Variants in EEFSEC observed in about 807,000 individuals in gnomAD.
The protein encoded by EEFSEC is selenocysteine-specific elongation factor.
Under a neutral mutation model 42.1 loss-of-function variants are expected in EEFSEC, and 43 were observed. The ratio of observed to expected loss-of-function variants is 1.02; its 90% CI spans 0.80 to 1.32. The LOEUF is 1.32. Among genes scored for constraint, EEFSEC ranks in the 40% most tolerant of loss-of-function variants. The pLI is 0.00. For missense variants in EEFSEC, 745 were observed against 803.6 expected (o/e 0.93, Z 0.88); for synonymous variants, 354 against 339.1 (o/e 1.04, Z -0.48).
chr3:128,329,435 C>A (rs1423293425), intron 4 of EEFSEC, among the ~76,000 whole-genome samples: 4 of 149,306 alleles, frequency 2.7e-5, no homozygotes, highest in Admixed American at 6.6e-5. Context: ...CCCGCTGATG[C>A]TCTCAGTCTG....
intron 4 of EEFSEC, among the ~76,000 whole-genome samples, chr3:128,274,922 G>T (rs1242976781): frequency 2.0e-5 from 3 of 152,178 alleles, no homozygotes; most frequent in Non-Finnish European, 4.4e-5. Flanking sequence ...TACCTTCAGT[G>T]GTCAGTTAAG....
chr3:128,360,527 G>A (rs903355788), intron 6 of EEFSEC, among the ~76,000 whole-genome samples: 3 of 152,174 alleles, frequency 2.0e-5, no homozygotes, highest in Non-Finnish European at 4.4e-5. Flanking sequence ...CTAGGATCAC[G>A]CTGACCTCCC....
chr3:128,388,920 C>G (rs752877438), intron 6 of EEFSEC, among the ~76,000 whole-genome samples: 5 of 152,254 alleles, frequency 3.3e-5, no homozygotes, highest in Non-Finnish European at 7.3e-5. Context: ...CTGACACCCA[C>G]TCTTGATTTC....
chr3:128,302,429 C>T (rs1009623122), intron 4 of EEFSEC, among the ~76,000 whole-genome samples: 5 of 151,970 alleles, frequency 3.3e-5, no homozygotes, highest in Non-Finnish European at 5.9e-5. Context: ...TCCTGCAGGC[C>T]GACTGATTTA....
In EEFSEC at chr3:128,223,174, A is replaced by C. The variant is rs183100384; in HGVS notation, c.317-23662A>C. Reference sequence around the variant, plus strand: ...AGCTTCCTGATTGGTAAACACATTGATATGCCCAGAGGGTGATTTTCCCTG... The same window carrying C: ...AGCTTCCTGATTGGTAAACACATTGCTATGCCCAGAGGGTGATTTTCCCTG... On this transcript the variant is annotated intron_variant, in intron 1 of 6. Coordinates refer to ENST00000254730, the MANE Select transcript of EEFSEC (RefSeq NM_021937.5). Among the ~76,000 whole-genome samples, 13 of 152,296 alleles carry C rather than the reference A, an allele frequency of 8.5e-5. No individual in the cohort carries two copies. In the East Asian group the frequency reaches 2.5e-3, roughly 29 times the overall value.
chr3:128,237,531 C>T (rs1408002949), intron 1 of EEFSEC, among the ~76,000 whole-genome samples: 1 of 152,254 alleles, frequency 6.6e-6, no homozygotes, highest in East Asian at 1.9e-4. Flanking sequence ...AGATGTGGAC[C>T]TTGGGGTCAG....
At chr3:128,363,555 T>C (rs1176160982) in intron 6 of EEFSEC, among the ~76,000 whole-genome samples, 1 of 152,122 alleles carries the variant, frequency 6.6e-6, no homozygotes, top group Non-Finnish European at 1.5e-5. Context: ...CTATGGCCCC[T>C]GGGAAGAGGG....
intron 4 of EEFSEC, among the ~76,000 whole-genome samples, chr3:128,328,784 G>C (rs1364235928): frequency 6.6e-6 from 1 of 152,184 alleles, no homozygotes; most frequent in Non-Finnish European, 1.5e-5. Context: ...CCAGGTGAGA[G>C]TGCCTCGCCG....
chr3:128,283,017 T>C (rs1444845217), intron 4 of EEFSEC, among the ~76,000 whole-genome samples: 1 of 152,264 alleles, frequency 6.6e-6, no homozygotes, highest in East Asian at 1.9e-4. Context: ...GGGTGCTTCC[T>C]GCCAGGAGGC....
intron 4 of EEFSEC, among the ~76,000 whole-genome samples, chr3:128,326,473 G>A (rs532085971): frequency 2.0e-4 from 30 of 152,262 alleles, no homozygotes; most frequent in African/African-American, 6.7e-4. Flanking sequence ...GGAGCACCTC[G>A]ATTTTCTCAT....
intron 1 of EEFSEC, among the ~76,000 whole-genome samples, chr3:128,224,571 C>A (rs2107853504): frequency 6.6e-6 from 1 of 152,308 alleles, no homozygotes; most frequent in African/African-American, 2.4e-5. Flanking sequence ...GCAGACTGAA[C>A]AGTTACTAAG....
intron 6 of EEFSEC, among the ~76,000 whole-genome samples, chr3:128,407,160 C>T (rs1364502323): frequency 6.6e-6 from 1 of 151,874 alleles, no homozygotes; most frequent in African/African-American, 2.4e-5. Flanking sequence ...GGGTGCGTGT[C>T]GGGGCATCAG....
chr3:128,419,560 G>A, the EEFSEC span, among the ~76,000 whole-genome samples: 1 of 152,182 alleles, frequency 6.6e-6, no homozygotes, highest in Non-Finnish European at 1.5e-5. Context: ...AGCAAGGGGG[G>A]TTAGGAAGGG....
At chr3:128,337,553 G>A (rs1476415543) in intron 4 of EEFSEC, among the ~76,000 whole-genome samples, 1 of 152,178 alleles carries the variant, frequency 6.6e-6, no homozygotes, top group Non-Finnish European at 1.5e-5. Context: ...TGGAATCTCA[G>A]CTCGGTGCTT....
chr3:128,161,453 C>T (rs1576507253), intron 1 of EEFSEC, among the ~76,000 whole-genome samples: 1 of 152,138 alleles, frequency 6.6e-6, no homozygotes, highest in Non-Finnish European at 1.5e-5. Context: ...TGCTACTTGT[C>T]GCCTGGACCT....
At chr3:128,409,734 C>T (rs1342574166), downstream of EEFSEC, among the ~76,000 whole-genome samples, 1 of 152,180 alleles carries the variant, frequency 6.6e-6, no homozygotes, top group African/African-American at 2.4e-5. Flanking sequence ...GGAGCCGACT[C>T]CCCCTCTACT....
At chr3:128,383,039 G>T (rs1334265484) in intron 6 of EEFSEC, among the ~76,000 whole-genome samples, 1 of 152,096 alleles carries the variant, frequency 6.6e-6, no homozygotes, top group African/African-American at 2.4e-5. Flanking sequence ...GACCTGAGTG[G>T]ATCCCTGCCC....
the EEFSEC span, among the ~76,000 whole-genome samples, chr3:128,417,938 C>A: frequency 2.6e-5 from 4 of 152,076 alleles, no homozygotes; most frequent in Non-Finnish European, 5.9e-5. The surrounding 1 kb of genome is among the most constrained non-coding windows in gnomAD (Gnocchi z 4.3). Flanking sequence ...CCAGCCAGGA[C>A]CCGGGGGCCT....
chr3:128,358,327 C>T lies in EEFSEC; in HGVS notation c.1554C>T (p.Ile518=), dbSNP rs1037158616. 4 of 1,614,140 alleles carry T rather than the reference C, an allele frequency of 2.5e-6. No individual in the cohort carries two copies. Among genetic ancestry groups the T allele is most frequent in the Non-Finnish European group, 1.7e-6 (2 of 1,180,050 alleles). ...VHLSTGELGI[I]DSAFGQSGKF... Reference sequence around the variant, plus strand: ...TGTCCACTGGGGAACTGGGCATCATCGACAGTGCCTTCGGCCAGAGCGGCA... The same window carrying T: ...TGTCCACTGGGGAACTGGGCATCATTGACAGTGCCTTCGGCCAGAGCGGCA... Residue 518 remains isoleucine, a synonymous_variant, in exon 6 of 7, where the codon ATC becomes ATT. Transcript: ENST00000254730.
Sources: allele counts gnomAD v4.1 joint callset (sites outside exome capture counted in the v4.1 genomes callset), GRCh38; gene constraint gnomAD v4.1.1; non-coding constraint Gnocchi (gnomAD v3.1); transcripts MANE v1.5; gene names NCBI Gene and HGNC (gene_info 2026-07-23, HGNC 2026-07-21).